Variants in MECOM observed in about 807,000 individuals in gnomAD.
MECOM encodes the protein MDS1 and EVI1 complex locus, also known as histone-lysine N-methyltransferase MECOM.
In MECOM, 13 loss-of-function variants were observed where a neutral mutation model predicts 116.3. That is an observed-to-expected ratio of 0.11 (90% CI 0.07 to 0.18). The LOEUF (loss-of-function observed/expected upper bound fraction) is 0.18. Among genes scored for constraint, MECOM ranks in the 10% least tolerant of loss-of-function variants. The probability of loss-of-function intolerance (pLI) is 1.00; values close to 1 mark genes in which losing one functional copy is unlikely to be tolerated. For synonymous variants in MECOM, 528 were observed against 535.2 expected (o/e 0.99, Z 0.19); for missense variants, 1,299 against 1,509.0 (o/e 0.86, Z 2.31).
intron 2 of MECOM, among the ~76,000 whole-genome samples, chr3:169,184,154 A>G (rs1438827901): frequency 6.6e-6 from 1 of 151,910 alleles, no homozygotes; most frequent in Non-Finnish European, 1.5e-5. Context: ...TTGAGCCACC[A>G]CGCCTGGCCA....
At chr3:169,263,357 T>C (rs1045412405) in intron 2 of MECOM, among the ~76,000 whole-genome samples, 3 of 151,630 alleles carry the variant, frequency 2.0e-5, no homozygotes, top group Non-Finnish European at 4.4e-5. Flanking sequence ...CTCGATCTCC[T>C]GACCTCATGA....
At position 169,199,711 on chromosome 3, in the gene MECOM, G is replaced by C. The variant is rs183045249; in HGVS notation, c.376-55879C>G. 9.7e-4 allele frequency among the ~76,000 whole-genome samples: 148 copies of C among 152,196 alleles called. 1 individual carries two copies. Among genetic ancestry groups the C allele is most frequent in the African/African-American group, 3.5e-3 (147 of 41,550 alleles). ...TGGGTCTTATTGAAATCTGAAAGGA[G>C]AATGATCAATAAAATTCTTATAACA... On this transcript the variant is annotated intron_variant, in intron 2 of 16. Coordinates refer to ENST00000651503, the MANE Select transcript of MECOM (RefSeq NM_004991.4).
intron 7 of MECOM, among the ~76,000 whole-genome samples, chr3:169,117,126 C>G (rs1266907255): frequency 6.6e-6 from 1 of 152,062 alleles, no homozygotes; most frequent in Non-Finnish European, 1.5e-5. Context: ...ACGTACAAAA[C>G]ACAACAAGAA....
chr3:169,472,580 G>GGAAAGGAAAGGAAAGGAA (rs1749612710), intron 1 of MECOM, among the ~76,000 whole-genome samples: 1 of 59,084 alleles, frequency 1.7e-5, no homozygotes, highest in African/African-American at 9.2e-5. Context: ...GAGGAGAGGA[G>GGAAAGGAAAGGAAAGGAA]AGGAAAGGAA....
chr3:169,330,782 T>C (rs917646959), intron 2 of MECOM, among the ~76,000 whole-genome samples: 2 of 152,132 alleles, frequency 1.3e-5, no homozygotes, highest in Admixed American at 6.5e-5. Flanking sequence ...AAGTGACATT[T>C]TCATTTAAGT....
At chr3:169,144,983 A>C (rs1397030158) in intron 2 of MECOM, 2 of 1,561,768 alleles carry the variant, frequency 1.3e-6, no homozygotes, top group Admixed American at 1.9e-5. Flanking sequence ...TGCAGATTCA[A>C]GTCATTAACT....
intron 2 of MECOM, among the ~76,000 whole-genome samples, chr3:169,340,882 T>C (rs1277167469): frequency 6.6e-6 from 1 of 152,150 alleles, no homozygotes; most frequent in Non-Finnish European, 1.5e-5. Context: ...GACAAGAATA[T>C]ATTTTTGCAG....
intron 1 of MECOM, among the ~76,000 whole-genome samples, chr3:169,578,429 A>G (rs1027196504): frequency 6.6e-6 from 1 of 152,298 alleles, no homozygotes; most frequent in Admixed American, 6.5e-5. Context: ...TCTAAGCTTA[A>G]ATGTGGTGCC....
intron 1 of MECOM, among the ~76,000 whole-genome samples, chr3:169,598,102 C>T (rs553829612): frequency 2.6e-5 from 4 of 152,254 alleles, no homozygotes; most frequent in Admixed American, 6.5e-5. Flanking sequence ...AGAGCTGCCT[C>T]ATAAGTTTTA....
intron 1 of MECOM, among the ~76,000 whole-genome samples, chr3:169,651,020 C>CT (rs1304119405): frequency 2.0e-5 from 3 of 152,134 alleles, no homozygotes; most frequent in Non-Finnish European, 4.4e-5. Flanking sequence ...TCTGATTGCT[C>CT]TGACTAGGAC....
At chr3:169,263,549 G>A (rs919538754) in intron 2 of MECOM, among the ~76,000 whole-genome samples, 4 of 148,916 alleles carry the variant, frequency 2.7e-5, no homozygotes, top group African/African-American at 1.0e-4. Flanking sequence ...CACACACAGA[G>A]TTCATTTTTA....
At chr3:169,594,313 CTA>C (rs1342032767) in intron 1 of MECOM, among the ~76,000 whole-genome samples, 1 of 152,098 alleles carries the variant, frequency 6.6e-6, no homozygotes, top group Non-Finnish European at 1.5e-5. Flanking sequence ...TCTCAATTTT[CTA>C]TGTCTATCTA....
intron 2 of MECOM, among the ~76,000 whole-genome samples, chr3:169,256,072 T>A (rs1310696988): frequency 6.6e-6 from 1 of 152,212 alleles, no homozygotes; most frequent in Admixed American, 6.5e-5. Flanking sequence ...TTTCTAGAAT[T>A]CTGTCAGAAA....
chr3:169,137,016 G>T (rs909437343), intron 3 of MECOM, among the ~76,000 whole-genome samples: 1 of 152,088 alleles, frequency 6.6e-6, no homozygotes, highest in African/African-American at 2.4e-5. Flanking sequence ...AATCTGTACT[G>T]AGAGAAAACC....
intron 2 of MECOM, among the ~76,000 whole-genome samples, chr3:169,337,537 C>G: frequency 6.6e-6 from 1 of 152,142 alleles, no homozygotes; most frequent in East Asian, 1.9e-4. Context: ...GATACAAACC[C>G]CTAGGGGGTC....
At chr3:169,542,970 A>T (rs1760282135) in intron 1 of MECOM, among the ~76,000 whole-genome samples, 1 of 152,222 alleles carries the variant, frequency 6.6e-6, no homozygotes, top group African/African-American at 2.4e-5. Flanking sequence ...AAAGTGCCAC[A>T]ATTAGATGTT....
chr3:169,376,071 A>G (rs1371734756), intron 2 of MECOM, among the ~76,000 whole-genome samples: 1 of 152,004 alleles, frequency 6.6e-6, no homozygotes, highest in East Asian at 1.9e-4. Context: ...AGAACCATGA[A>G]AAAAAACACA....
chr3:169,615,003 G>A (rs1337078698), intron 1 of MECOM: 4 of 152,172 alleles, frequency 2.6e-5, no homozygotes, highest in African/African-American at 4.8e-5. Flanking sequence ...GTAAAATGGG[G>A]GGTTAATAAT....
rs1757630684 is a variant in MECOM at position 169,262,026 on chromosome 3, G to A, written c.376-118194C>T. 3.9e-5 allele frequency among the ~76,000 whole-genome samples: 6 copies of A among 152,300 alleles called. No individual in the cohort carries two copies. In the South Asian group the frequency reaches 1.2e-3, roughly 32 times the overall value. ...TACAAGTTCTGTAATTTGCTCAAAT[G>A]TTTATGGAACGTCTACCCTGTGCCA... is the stretch of plus-strand genomic sequence containing the variant. On this transcript the variant is annotated intron_variant, in intron 2 of 16. Transcript: ENST00000651503.
Sources: allele counts gnomAD v4.1 joint callset (sites outside exome capture counted in the v4.1 genomes callset), GRCh38; gene constraint gnomAD v4.1.1; transcripts MANE v1.5; gene names NCBI Gene and HGNC (gene_info 2026-07-23, HGNC 2026-07-21).